The following PCDHA10 variants were observed in gnomAD, a reference collection of about 807,000 sequenced individuals.
PCDHA10 encodes the protein protocadherin alpha-10.
A neutral mutation model predicts 61.2 loss-of-function variants in PCDHA10; 45 were observed. That is an observed-to-expected ratio of 0.74 (90% CI 0.58 to 0.94). The LOEUF (loss-of-function observed/expected upper bound fraction) is 0.94. Among genes scored for constraint, PCDHA10 ranks in the 40% least tolerant of loss-of-function variants. The pLI is 0.00. For missense variants in PCDHA10, 1,278 were observed against 1,236.2 expected (o/e 1.03, Z -0.51); for synonymous variants, 602 against 548.8 (o/e 1.10, Z -1.35).
intron 1 of PCDHA10, among the ~76,000 whole-genome samples, chr5:140,948,945 A>C: frequency 6.6e-6 from 1 of 151,662 alleles, no homozygotes; most frequent in East Asian, 1.9e-4. Flanking sequence ...TCTAATATAA[A>C]AAAATTAAAG....
rs201572428 is a variant in PCDHA10, at chr5:140,982,529, T to A, written c.2502T>A (p.Asp834Glu). 220 of 1,614,200 alleles carry A rather than the reference T, an allele frequency of 1.4e-4. No homozygotes were observed. Among genetic ancestry groups the A allele is most frequent in the Non-Finnish European group, 1.7e-4 (202 of 1,180,036 alleles). Reference sequence around the variant, plus strand: ...TACGGGCTGGTCCAGGAGGGCCTGATCAGCAGTGGCCAACAGTATCCAGTG... The same window carrying A: ...TACGGGCTGGTCCAGGAGGGCCTGAACAGCAGTGGCCAACAGTATCCAGTG... ...GILRAGPGGP[D>E]QQWPTVSSAT... Residue 834 changes from aspartate (D) to glutamate (E), a missense_variant, in exon 3 of 4, where the codon GAT becomes GAA. Transcript: ENST00000307360.
At chr5:140,989,851 G>C (rs1247481417) in intron 3 of PCDHA10, among the ~76,000 whole-genome samples, 1 of 152,106 alleles carries the variant, frequency 6.6e-6, no homozygotes, top group Non-Finnish European at 1.5e-5. Context: ...TGTGTGGACT[G>C]GAGAGGAATC....
intron 1 of PCDHA10, among the ~76,000 whole-genome samples, chr5:140,893,236 T>C (rs1554185562): frequency 6.6e-6 from 1 of 152,236 alleles, no homozygotes. Flanking sequence ...TTTGACATAC[T>C]GGTTTCCTTT....
Position 140,929,404 on chromosome 5 carries a change from G to A in PCDHA10, c.2389-49545G>A, listed in dbSNP as rs530409256. 1.4e-5 allele frequency: 21 copies of A among 1,506,596 alleles called. No individual in the cohort carries two copies. The South Asian group carries it at 1.9e-4, about 14-fold the overall frequency. The allele number at this position is 1,506,596 out of a possible 1,614,324, so 93.3% of individuals were successfully genotyped here. A position where few individuals can be genotyped will look rare whatever the true frequency, so the allele number is the denominator to read the frequency against. ...GTGTTTTGAAATATTTCTTAGACAAGCCTTTCACAACATTTCATCAATTGA... is the reference window on the plus strand; with the variant it reads ...GTGTTTTGAAATATTTCTTAGACAAACCTTTCACAACATTTCATCAATTGA... On this transcript the variant is annotated intron_variant, in intron 1 of 3. Coordinates refer to ENST00000307360, the MANE Select transcript of PCDHA10 (RefSeq NM_018901.4).
chr5:140,876,256 A>G (rs1554168418), intron 1 of PCDHA10: 1 of 1,614,042 alleles, frequency 6.2e-7, no homozygotes, highest in East Asian at 2.2e-5. Context: ...CACAAGAGTG[A>G]TCCAACTAAA....
At chr5:140,952,962 C>T (rs246032) in intron 1 of PCDHA10, among the ~76,000 whole-genome samples, 1 of 151,598 alleles carries the variant, frequency 6.6e-6, no homozygotes, top group Non-Finnish European at 1.5e-5. Context: ...GGAAGTGATA[C>T]ACACTTTTAA....
chr5:140,950,917 A>G (rs1270492994), intron 1 of PCDHA10, among the ~76,000 whole-genome samples: 10 of 151,524 alleles, frequency 6.6e-5, no homozygotes, highest in African/African-American at 2.4e-4. Context: ...ATTTTATTTC[A>G]GTTCTTTTTC....
intron 1 of PCDHA10, among the ~76,000 whole-genome samples, chr5:140,941,214 C>CTTT (rs1554214039): frequency 0.031 from 3,845 of 122,336 alleles, 93 homozygotes; most frequent in South Asian, 0.048. Flanking sequence ...TTTCTTTCTT[C>CTTT]CTTTCTTTCT....
chr5:140,967,927 C>T (rs782426020), intron 1 of PCDHA10: 3 of 1,614,228 alleles, frequency 1.9e-6, no homozygotes, highest in Non-Finnish European at 2.5e-6. Context: ...TGGCCGTTCT[C>T]AGTGTCAATG....
chr5:140,923,885 AGAG>A (rs1190900836), intron 1 of PCDHA10, among the ~76,000 whole-genome samples: 7 of 152,210 alleles, frequency 4.6e-5, no homozygotes, highest in Non-Finnish European at 8.8e-5. Flanking sequence ...AGCGTGTGAA[AGAG>A]GAGGAGTTTC....
Position 140,899,489 on chromosome 5 carries a change from A to G in PCDHA10, c.2388+41053A>G, listed in dbSNP as rs1445369123. 2.0e-5 allele frequency among the ~76,000 whole-genome samples: 3 copies of G among 152,246 alleles called. 1 individual carries two copies. Among genetic ancestry groups the G allele is most frequent in the Non-Finnish European group, 4.4e-5 (3 of 68,052 alleles). On this transcript the variant is annotated intron_variant, in intron 1 of 3. Coordinates refer to ENST00000307360, the MANE Select transcript of PCDHA10 (RefSeq NM_018901.4). ...TTTGGTTCTGTTTATATGCTGGATT[A>G]CATTTATTGATTTGCATATATTGCA...
chr5:140,882,423 T>C (rs1554174072), intron 1 of PCDHA10: 2 of 1,614,052 alleles, frequency 1.2e-6, no homozygotes, highest in African/African-American at 2.7e-5. Context: ...GCTCAGGACC[T>C]GGGGCTGGAG....
rs1554150087 is a variant in PCDHA10, at chr5:140,857,481, C to G, written c.1433C>G (p.Ala478Gly). ...PPGCHIFTVS[A>G]WDADAQENAL... ...GGCTGCCACATCTTCACGGTGTCTG[C>G]GTGGGACGCGGACGCGCAGGAGAAC... The change falls in exon 1 of 4, where the codon GCG becomes GGG. Residue 478 changes from alanine (A) to glycine (G), a missense_variant. Coordinates refer to ENST00000307360, the MANE Select transcript of PCDHA10 (RefSeq NM_018901.4). The G allele has an allele frequency of 6.3e-7, 1 of 1,598,530 alleles. No individual in the cohort carries two copies. The highest frequency in any genetic ancestry group is 8.6e-7 in the Non-Finnish European group (1 of 1,167,878).
chr5:140,991,003 A>C (rs1228444549), intron 3 of PCDHA10, among the ~76,000 whole-genome samples: 1 of 152,190 alleles, frequency 6.6e-6, no homozygotes, highest in East Asian at 1.9e-4. Flanking sequence ...ATTTATTGAG[A>C]ACTGTGATAA....
chr5:140,997,668 TTGTG>T lies in PCDHA10; in HGVS notation c.2537-11933_2537-11930del, dbSNP rs35184029. On this transcript the variant is annotated intron_variant, in intron 3 of 3. Coordinates refer to ENST00000307360, the MANE Select transcript of PCDHA10 (RefSeq NM_018901.4). ...AATGCAATATGTATTATTATACAGC[TTGTG>T]TGTGTGTGTGTGTGTGTGTGTGTGT... Among the ~76,000 whole-genome samples, 716 of 148,202 alleles carry T rather than the reference TTGTG, an allele frequency of 4.8e-3. 2 individuals carry two copies. The highest frequency in any genetic ancestry group is 0.01 in the Middle Eastern group (3 of 294).
chr5:140,928,942 T>C lies in PCDHA10; in HGVS notation c.2389-50007T>C. The stretch of plus-strand genomic sequence containing the variant: ...GCAGCTTTCTGCCCAGAACTTGTAT[T>C]TAGTAATTGCCTTGGCTTGTATTTC... On this transcript the variant is annotated intron_variant, in intron 1 of 3. Transcript: ENST00000307360. 4 of 1,614,060 alleles carry C rather than the reference T, an allele frequency of 2.5e-6. No individual in the cohort carries two copies. The South Asian group carries it at 4.4e-5, about 18-fold the overall frequency.
intron 1 of PCDHA10, chr5:140,868,717 A>G (rs1420363814): frequency 5.3e-6 from 1 of 189,344 alleles, no homozygotes; most frequent in African/African-American, 2.4e-5. Context: ...AATAATTTAA[A>G]TTTGATGTTA....
In PCDHA10 at chr5:140,856,896, T is replaced by C. The variant is rs2044262669; in HGVS notation, c.848T>C (p.Leu283Ser). 1.3e-6 allele frequency: 2 copies of C among 1,596,700 alleles called. No homozygotes were observed. Among genetic ancestry groups the C allele is most frequent in the African/African-American group, 1.3e-5 (1 of 74,376 alleles). ...GAAATGATGTATTCATTTAGCTCTT[T>C]GGTCCCACCCACGATAAGAAGGAAA... is the stretch of plus-strand genomic sequence containing the variant. ...NKEMMYSFSS[L>S]VPPTIRRKFW... The change falls in exon 1 of 4, where the codon TTG becomes TCG. Residue 283 changes from leucine to serine, a missense_variant. Physicochemically the swap from Leu to Ser is moderately radical, Grantham distance 145. Transcript: ENST00000307360.
chr5:140,926,303 C>G (rs1248613470), intron 1 of PCDHA10: 1 of 152,328 alleles, frequency 6.6e-6, no homozygotes, highest in African/African-American at 2.4e-5. Flanking sequence ...CCCGCCCTCT[C>G]CGCCGGAGAG....
Sources: allele counts gnomAD v4.1 joint callset (sites outside exome capture counted in the v4.1 genomes callset), GRCh38; gene constraint gnomAD v4.1.1; transcripts MANE v1.5; gene names NCBI Gene and HGNC (gene_info 2026-07-23, HGNC 2026-07-21).